RNF216: variants seen among roughly 807,000 people sequenced by gnomAD.
The protein encoded by RNF216 is E3 ubiquitin-protein ligase RNF216.
A neutral mutation model predicts 110.8 loss-of-function variants in RNF216; 72 were observed. The observed-to-expected ratio is 0.65, with a 90% CI of 0.54 to 0.79. The LOEUF is 0.79. RNF216 is among the 30% of genes least tolerant of loss of function. The pLI, the probability that RNF216 is intolerant of heterozygous loss-of-function variation, is 0.00. For missense variants in RNF216, 1,342 were observed against 1,141.2 expected (o/e 1.18, Z -2.54); for synonymous variants, 495 against 407.5 (o/e 1.21, Z -2.59).
chr7:5,697,144 C>G (rs1057374622), intron 13 of RNF216, among the ~76,000 whole-genome samples: 1 of 152,234 alleles, frequency 6.6e-6, no homozygotes, highest in Non-Finnish European at 1.5e-5. Context: ...CTTCACCCAG[C>G]TTTGCTCGTG....
chr7:5,745,716 AT>A (rs1435186435), intron 3 of RNF216, among the ~76,000 whole-genome samples: 2 of 152,074 alleles, frequency 1.3e-5, no homozygotes, highest in Non-Finnish European at 2.9e-5. Flanking sequence ...CCTGACCAAC[AT>A]GGTGAAACCC....
intron 10 of RNF216, among the ~76,000 whole-genome samples, chr7:5,715,592 A>T (rs1465281035): frequency 5.1e-5 from 3 of 59,024 alleles, no homozygotes; most frequent in Non-Finnish European, 1.1e-4. Flanking sequence ...TTCTTGTCAT[A>T]AGGAGTGTGA....
intron 13 of RNF216, among the ~76,000 whole-genome samples, chr7:5,704,957 C>G (rs1792191244): frequency 6.6e-6 from 1 of 152,214 alleles, no homozygotes. Context: ...AACACACATT[C>G]TCTCCACTGC....
chr7:5,628,709 T>C (rs941715921), intron 15 of RNF216, among the ~76,000 whole-genome samples: 1 of 147,920 alleles, frequency 6.8e-6, no homozygotes, highest in Non-Finnish European at 1.5e-5. Context: ...TTTGTAGAAA[T>C]GGGGTTTCAC....
At chr7:5,768,346 T>TACACACTCACACACACACACACAC (rs1796314933) in intron 1 of RNF216, among the ~76,000 whole-genome samples, 2 of 71,942 alleles carry the variant, frequency 2.8e-5, no homozygotes, top group Admixed American at 2.0e-4. Flanking sequence ...GGCAGGCAAA[T>TACACACTCACACACACACACACAC]ACACACACAC....
At chr7:5,655,553 C>A (rs1186253288) in intron 13 of RNF216, among the ~76,000 whole-genome samples, 1 of 151,988 alleles carries the variant, frequency 6.6e-6, no homozygotes, top group Non-Finnish European at 1.5e-5. Flanking sequence ...TTGCAGTGAG[C>A]AGAGATCGCA....
At chr7:5,689,336 C>G (rs1791180852) in intron 13 of RNF216, among the ~76,000 whole-genome samples, 1 of 145,600 alleles carries the variant, frequency 6.9e-6, no homozygotes, top group South Asian at 2.2e-4. Flanking sequence ...CCAAGACTTT[C>G]TCAACAATAA....
chr7:5,659,659 C>T lies in RNF216; in HGVS notation c.2062-7149G>A, dbSNP rs375483732. 3.3e-5 allele frequency among the ~76,000 whole-genome samples: 5 copies of T among 152,308 alleles called. No individual in the cohort carries two copies. The South Asian group carries it at 8.3e-4, about 25-fold the overall frequency. On this transcript the variant is annotated intron_variant, in intron 13 of 16. Coordinates refer to ENST00000389902, the MANE Select transcript of RNF216 (RefSeq NM_207111.4). ...GGGGTTGTAGGACCTTGCAGCACCC[C>T]CTTTCTAAACTAAGGCCAAGTAAAT... is the stretch of plus-strand genomic sequence containing the variant.
In RNF216 at chr7:5,624,388, G is replaced by C. The variant is rs915615654; in HGVS notation, c.2383-263C>G. Among the ~76,000 whole-genome samples, 3 of 152,266 alleles carry C rather than the reference G, an allele frequency of 2.0e-5. No individual in the cohort carries two copies. Among genetic ancestry groups the C allele is most frequent in the African/African-American group, 7.2e-5 (3 of 41,474 alleles). ...AGCATGGCAGGCAGCTGCCTGGTGA[G>C]GTGGGGGGATGGAGGGCCTCCATGC... On this transcript the variant is annotated intron_variant, in intron 15 of 16. Transcript: ENST00000389902. This position sits in a 1 kb window ranked among gnomAD's most constrained non-coding sequence, Gnocchi z 4.4.
intron 11 of RNF216, 43 bp from the exon 12 acceptor site, chr7:5,712,906 T>C (rs753102420): frequency 4.5e-6 from 7 of 1,565,464 alleles, no homozygotes; most frequent in Admixed American, 3.8e-5. Context: ...ATCAATACCA[T>C]TTATAGAAAA....
chr7:5,640,216 T>C (rs935851161), intron 15 of RNF216, among the ~76,000 whole-genome samples: 11 of 152,282 alleles, frequency 7.2e-5, no homozygotes, highest in South Asian at 2.1e-4. Context: ...CAGTTTTTCA[T>C]GTATCCCTAA....
intron 13 of RNF216, among the ~76,000 whole-genome samples, chr7:5,660,436 C>T (rs753865681): frequency 2.1e-4 from 32 of 150,202 alleles, no homozygotes; most frequent in Non-Finnish European, 3.3e-4. Context: ...GGAATACAGG[C>T]GCCCGCGACC....
At chr7:5,655,371 AG>A (rs1470211035) in intron 13 of RNF216, among the ~76,000 whole-genome samples, 1 of 152,168 alleles carries the variant, frequency 6.6e-6, no homozygotes, top group African/African-American at 2.4e-5. Context: ...GCCGAGGCGG[AG>A]GGATCACCTG....
chr7:5,768,346 TACACACACACAC>T (rs71004702), intron 1 of RNF216, among the ~76,000 whole-genome samples: 32 of 71,942 alleles, frequency 4.4e-4, no homozygotes, highest in Middle Eastern at 0.012. Context: ...GGCAGGCAAA[TACACACACACAC>T]ACACACACAC....
At chr7:5,687,177 C>T (rs987086286) in intron 13 of RNF216, among the ~76,000 whole-genome samples, 2 of 152,100 alleles carry the variant, frequency 1.3e-5, no homozygotes, top group Non-Finnish European at 1.5e-5. Context: ...GGGCAGATCA[C>T]CTGAGGTCAG....
At chr7:5,768,078 A>G (rs1164026397) in intron 1 of RNF216, among the ~76,000 whole-genome samples, 1 of 152,014 alleles carries the variant, frequency 6.6e-6, no homozygotes, top group African/African-American at 2.4e-5. Context: ...TAATTTGCAC[A>G]CCTAAAAAAC....
At chr7:5,744,621 G>A (rs1794937384) in intron 3 of RNF216, among the ~76,000 whole-genome samples, 2 of 152,248 alleles carry the variant, frequency 1.3e-5, no homozygotes, top group South Asian at 4.2e-4. Context: ...AGAATACATT[G>A]GTTCTGAAGA....
chr7:5,771,971 C>G (rs575484349), intron 1 of RNF216, among the ~76,000 whole-genome samples: 1 of 151,726 alleles, frequency 6.6e-6, no homozygotes, highest in Non-Finnish European at 1.5e-5. Flanking sequence ...TGGTGGCTCA[C>G]GCCTGTAATC....
chr7:5,718,037 C>T (rs1584504893), intron 9 of RNF216, among the ~76,000 whole-genome samples: 1 of 152,012 alleles, frequency 6.6e-6, no homozygotes, highest in African/African-American at 2.4e-5. Flanking sequence ...TTTGCTTTTC[C>T]ATAAAATAAG....
Sources: gnomAD v4.1 joint callset for allele counts (sites outside exome capture counted in the v4.1 genomes callset) on GRCh38, gnomAD v4.1.1 for gene constraint, Gnocchi (gnomAD v3.1) non-coding constraint, MANE v1.5 for transcripts, NCBI Gene and HGNC (gene_info 2026-07-23, HGNC 2026-07-21) for gene names.